EPM2A: variants seen among roughly 807,000 people sequenced by gnomAD.
The protein encoded by EPM2A is laforin.
EPM2A carries 21 observed loss-of-function variants against 26.5 expected under a neutral mutation model. The observed-to-expected ratio is 0.79, with a 90% confidence interval of 0.56 to 1.14. EPM2A has a LOEUF of 1.14. EPM2A is among the 50% of genes most tolerant of loss of function. The pLI is 0.00. For synonymous variants in EPM2A, 217 were observed against 177.6 expected (o/e 1.22, Z -1.76); for missense variants, 458 against 440.8 (o/e 1.04, Z -0.35).
chr6:145,446,923 G>A (rs544386568), intron 4 of EPM2A, among the ~76,000 whole-genome samples: 1 of 151,826 alleles, frequency 6.6e-6, no homozygotes, highest in African/African-American at 2.4e-5. Context: ...TTTTTGTTTT[G>A]TTGTATTTTA....
At chr6:145,648,047 C>T (rs1307076282) in intron 2 of EPM2A, among the ~76,000 whole-genome samples, 2 of 152,046 alleles carry the variant, frequency 1.3e-5, no homozygotes, top group Admixed American at 1.3e-4. Context: ...GTAATTAGAC[C>T]GCCTCAAATC....
chr6:145,480,711 T>G (rs1228464024), intron 4 of EPM2A, among the ~76,000 whole-genome samples: 15 of 152,140 alleles, frequency 9.9e-5, no homozygotes, highest in Admixed American at 9.8e-4. Context: ...ATGAATCTTT[T>G]CAATTGTATC....
intron 2 of EPM2A, among the ~76,000 whole-genome samples, chr6:145,533,884 G>A (rs903021624): frequency 3.3e-5 from 5 of 151,824 alleles, no homozygotes; most frequent in Non-Finnish European, 7.4e-5. Context: ...TAAGATTCAG[G>A]ATAGATTGCA....
intron 1 of EPM2A, among the ~76,000 whole-genome samples, chr6:145,697,380 C>T (rs995626085): frequency 8.5e-5 from 13 of 152,152 alleles, no homozygotes; most frequent in African/African-American, 2.4e-4. Flanking sequence ...GGAGGCAGGG[C>T]AAGATCACAG....
chr6:145,659,730 T>G (rs879682067), intron 2 of EPM2A, among the ~76,000 whole-genome samples: 3 of 152,202 alleles, frequency 2.0e-5, no homozygotes, highest in African/African-American at 4.8e-5. Context: ...GGTTTATCCA[T>G]GCATAGTGAA....
chr6:145,406,981 C>T (rs1412144166), intron 4 of EPM2A, among the ~76,000 whole-genome samples: 1 of 152,066 alleles, frequency 6.6e-6, no homozygotes, highest in African/African-American at 2.4e-5. Context: ...GGAGATTAGG[C>T]TGTAAGTTCT....
chr6:145,681,632 C>T (rs1780544579), intron 2 of EPM2A, among the ~76,000 whole-genome samples: 1 of 151,350 alleles, frequency 6.6e-6, no homozygotes, highest in Admixed American at 6.6e-5. Context: ...TTTCCCAGCA[C>T]CATTTATTAA....
At chr6:145,490,825 A>G in intron 4 of EPM2A, 1 of 613,178 alleles carries the variant, frequency 1.6e-6, no homozygotes, top group Non-Finnish European at 3.1e-6. Context: ...GGTCAGATGC[A>G]TGGCCATCTT....
At chr6:145,606,696 C>T (rs1775267823) in intron 2 of EPM2A, among the ~76,000 whole-genome samples, 1 of 152,050 alleles carries the variant, frequency 6.6e-6, no homozygotes, top group Non-Finnish European at 1.5e-5. Context: ...AAATGCAGGT[C>T]CCCTCTGGTT....
chr6:145,453,497 A>T (rs1252287136), intron 4 of EPM2A, among the ~76,000 whole-genome samples: 1 of 152,180 alleles, frequency 6.6e-6, no homozygotes, highest in Non-Finnish European at 1.5e-5. Flanking sequence ...AAAAGAAAAA[A>T]AAACCAAACA....
chr6:145,388,563 G>A (rs990278092), intron 4 of EPM2A, among the ~76,000 whole-genome samples: 11 of 152,168 alleles, frequency 7.2e-5, no homozygotes, highest in Admixed American at 2.0e-4. Flanking sequence ...TGTGCAGAAC[G>A]TGCATGTTTG....
chr6:145,580,884 G>A (rs548381484), intron 2 of EPM2A, among the ~76,000 whole-genome samples: 1 of 152,258 alleles, frequency 6.6e-6, no homozygotes, highest in Admixed American at 6.5e-5. Flanking sequence ...AGTCCATCAT[G>A]TATCTGTACC....
chr6:145,490,038 C>T lies in EPM2A; in HGVS notation c.555+12484G>A. 3.8e-6 allele frequency: 5 copies of T among 1,329,112 alleles called. No individual in the cohort carries two copies. In the South Asian group the frequency reaches 4.1e-5, roughly 11 times the overall value. The allele number at this position is 1,329,112 out of a possible 1,614,324, so 82.3% of individuals were successfully genotyped here. A position where few individuals can be genotyped will look rare whatever the true frequency, so the allele number is the denominator to read the frequency against. On this transcript the variant is annotated intron_variant, in intron 4 of 4. Coordinates refer to the EPM2A transcript ENST00000638717. The stretch of plus-strand genomic sequence containing the variant: ...TCCACAGTCACTTGTGCTGAATCCA[C>T]AGTCACTTGTGCTGAATCCACCTGG...
chr6:145,535,457 A>AT (rs1780418681), intron 2 of EPM2A, among the ~76,000 whole-genome samples: 1 of 152,162 alleles, frequency 6.6e-6, no homozygotes, highest in African/African-American at 2.4e-5. Flanking sequence ...GATTGTAGGT[A>AT]TTTTTTTAAA....
intron 1 of EPM2A, among the ~76,000 whole-genome samples, chr6:145,702,222 A>G (rs1781953263): frequency 6.6e-6 from 1 of 152,230 alleles, no homozygotes; most frequent in African/African-American, 2.4e-5. Flanking sequence ...GTCATCTGCT[A>G]GTTTCCATAA....
intron 2 of EPM2A, among the ~76,000 whole-genome samples, chr6:145,614,303 A>C (rs1775459496): frequency 6.6e-6 from 1 of 152,220 alleles, no homozygotes; most frequent in Non-Finnish European, 1.5e-5. Flanking sequence ...ACTTAAGAGA[A>C]AGTGTTGTGG....
At chr6:145,506,929 A>T (rs1018051810) in intron 2 of EPM2A, among the ~76,000 whole-genome samples, 1 of 152,204 alleles carries the variant, frequency 6.6e-6, no homozygotes, top group Non-Finnish European at 1.5e-5. Flanking sequence ...CTTGCTGTGA[A>T]CACCATGGAG....
At chr6:145,470,709 T>C (rs1234400612) in intron 4 of EPM2A, among the ~76,000 whole-genome samples, 3 of 152,194 alleles carry the variant, frequency 2.0e-5, no homozygotes, top group Non-Finnish European at 4.4e-5. Flanking sequence ...TAATGCTTAC[T>C]ATAGATTTAT....
At chr6:145,405,112 G>C (rs1203809161) in intron 4 of EPM2A, among the ~76,000 whole-genome samples, 2 of 152,130 alleles carry the variant, frequency 1.3e-5, no homozygotes, top group Non-Finnish European at 2.9e-5. Flanking sequence ...TGCTGCTGTT[G>C]TGAATAGAAA....
Sources: allele counts gnomAD v4.1 joint callset (sites outside exome capture counted in the v4.1 genomes callset), GRCh38; gene constraint gnomAD v4.1.1; transcripts MANE v1.5; gene names NCBI Gene and HGNC (gene_info 2026-07-23, HGNC 2026-07-21).